NR3C2: variants seen among roughly 807,000 people sequenced by gnomAD.
NR3C2 encodes nuclear receptor subfamily 3 group C member 2.
In NR3C2, 15 loss-of-function variants were observed where a neutral mutation model predicts 86.4. That is an observed-to-expected ratio of 0.17 (90% CI 0.12 to 0.27). NR3C2 has a LOEUF of 0.27. Among genes scored for constraint, NR3C2 ranks in the 10% least tolerant of loss-of-function variants. NR3C2 has a pLI of 1.00. For synonymous variants in NR3C2, 458 were observed against 450.5 expected (o/e 1.02, Z -0.21); for missense variants, 960 against 1,195.6 (o/e 0.80, Z 2.91).
At chr4:148,162,721 C>A (rs924806930) in intron 4 of NR3C2, among the ~76,000 whole-genome samples, 7 of 152,218 alleles carry the variant, frequency 4.6e-5, no homozygotes, top group African/African-American at 1.4e-4. Flanking sequence ...CCTCCGGCAT[C>A]TCTTAGGAAG....
chr4:148,180,148 G>A (rs180679151), intron 4 of NR3C2, among the ~76,000 whole-genome samples: 73 of 151,886 alleles, frequency 4.8e-4, no homozygotes, highest in African/African-American at 7.0e-4. Context: ...TTCTCTTGCT[G>A]GTGTTGATCC....
intron 2 of NR3C2, among the ~76,000 whole-genome samples, chr4:148,299,376 T>TG (rs937184684): frequency 6.6e-6 from 1 of 152,182 alleles, no homozygotes; most frequent in Non-Finnish European, 1.5e-5. Flanking sequence ...CCTGTCGCTC[T>TG]GGGGGGTTAG....
intron 2 of NR3C2, among the ~76,000 whole-genome samples, chr4:148,329,329 C>A (rs1744112343): frequency 1.2e-5 from 1 of 82,924 alleles, no homozygotes; most frequent in Non-Finnish European, 2.4e-5. Flanking sequence ...TATGTATATA[C>A]ACATGCATAT....
chr4:148,441,455 T>C (rs1362708248), intron 1 of NR3C2, among the ~76,000 whole-genome samples: 1 of 152,236 alleles, frequency 6.6e-6, no homozygotes, highest in Non-Finnish European at 1.5e-5. Context: ...TCGTCTGCTA[T>C]CAAAAGTTTT....
rs531853106 is a variant in NR3C2 at position 148,319,948 on chromosome 4, C to G, written c.1758-59831G>C. Among the ~76,000 whole-genome samples, 31 of 145,804 alleles carry G rather than the reference C, an allele frequency of 2.1e-4. No individual in the cohort carries two copies. The South Asian group carries it at 5.9e-3, about 28-fold the overall frequency. ...GAGTGGTGAGAGAGGGCATCCCTGT[C>G]TTGTGCCAGTTTTCAAAGGGAATGC... is the stretch of plus-strand genomic sequence containing the variant. On this transcript the variant is annotated intron_variant, in intron 2 of 8. Transcript: ENST00000358102.
At chr4:148,294,147 T>G (rs1741927004) in intron 2 of NR3C2, among the ~76,000 whole-genome samples, 1 of 152,182 alleles carries the variant, frequency 6.6e-6, no homozygotes, top group South Asian at 2.1e-4. Flanking sequence ...CGAATTGCAT[T>G]TTTTCCACTT....
At chr4:148,186,206 T>C (rs1735882746) in intron 4 of NR3C2, among the ~76,000 whole-genome samples, 1 of 152,232 alleles carries the variant, frequency 6.6e-6, no homozygotes, top group African/African-American at 2.4e-5. Context: ...GCATTTCTAT[T>C]ATAATGATTA....
At chr4:148,418,151 G>C (rs1028038081) in intron 2 of NR3C2, among the ~76,000 whole-genome samples, 4 of 152,194 alleles carry the variant, frequency 2.6e-5, no homozygotes, top group Non-Finnish European at 5.9e-5. Context: ...GTGTTCACAA[G>C]TGAGAAAAGA....
intron 3 of NR3C2, among the ~76,000 whole-genome samples, chr4:148,222,709 T>C (rs758413466): frequency 6.6e-6 from 1 of 152,202 alleles, no homozygotes; most frequent in Non-Finnish European, 1.5e-5. Context: ...TTCAGGTAAG[T>C]TTACACCTTG....
At chr4:148,328,923 C>A (rs1744094122) in intron 2 of NR3C2, among the ~76,000 whole-genome samples, 1 of 152,220 alleles carries the variant, frequency 6.6e-6, no homozygotes, top group Non-Finnish European at 1.5e-5. Context: ...TCCAAATATA[C>A]TTCTGCTAGA....
At chr4:148,427,697 A>C (rs577647134) in intron 2 of NR3C2, among the ~76,000 whole-genome samples, 48 of 152,166 alleles carry the variant, frequency 3.2e-4, no homozygotes, top group African/African-American at 1.2e-3. Context: ...AGAAAGAGGA[A>C]AAGTGTCTTC....
chr4:148,282,890 C>CA (rs1199630024), intron 2 of NR3C2, among the ~76,000 whole-genome samples: 1 of 151,626 alleles, frequency 6.6e-6, no homozygotes. Context: ...TACTGGACTG[C>CA]AAAAAAGAGG....
intron 4 of NR3C2, among the ~76,000 whole-genome samples, chr4:148,164,898 G>A (rs1466331968): frequency 6.6e-6 from 1 of 152,162 alleles, no homozygotes; most frequent in Non-Finnish European, 1.5e-5. Flanking sequence ...TCTTCACTAG[G>A]CTTGGGCTGA....
chr4:148,268,172 C>T (rs1263099458), intron 2 of NR3C2, among the ~76,000 whole-genome samples: 2 of 152,096 alleles, frequency 1.3e-5, no homozygotes, highest in Non-Finnish European at 2.9e-5. Context: ...AACTCCTGAC[C>T]TTGTGATCCA....
intron 2 of NR3C2, among the ~76,000 whole-genome samples, chr4:148,363,273 G>T (rs2137330): frequency 6.6e-6 from 1 of 152,000 alleles, no homozygotes; most frequent in East Asian, 1.9e-4. Context: ...GGCTGTTGGC[G>T]TTGTCTGAAA....
chr4:148,207,367 A>G (rs1737057929), intron 3 of NR3C2, among the ~76,000 whole-genome samples: 1 of 152,266 alleles, frequency 6.6e-6, no homozygotes. Context: ...CCAGTCAAAC[A>G]GAAGCAGTAC....
intron 3 of NR3C2, among the ~76,000 whole-genome samples, chr4:148,248,011 T>A (rs1739401198): frequency 6.6e-6 from 1 of 152,198 alleles, no homozygotes; most frequent in African/African-American, 2.4e-5. Context: ...TTTTGAATTT[T>A]AAGTATCACT....
At chr4:148,087,974 C>T (rs1560913887) in intron 8 of NR3C2, among the ~76,000 whole-genome samples, 1 of 152,120 alleles carries the variant, frequency 6.6e-6, no homozygotes, top group East Asian at 1.9e-4. Context: ...ATCCATCTGA[C>T]ACAGGGCTAA....
intron 4 of NR3C2, among the ~76,000 whole-genome samples, chr4:148,164,673 G>A (rs1734803256): frequency 6.6e-6 from 1 of 152,168 alleles, no homozygotes; most frequent in Non-Finnish European, 1.5e-5. Flanking sequence ...TGCCTTCTTG[G>A]CATATGTCTC....
Sources: allele counts gnomAD v4.1 joint callset (sites outside exome capture counted in the v4.1 genomes callset), GRCh38; gene constraint gnomAD v4.1.1; transcripts MANE v1.5; gene names NCBI Gene and HGNC (gene_info 2026-07-23, HGNC 2026-07-21).